MSH3: variants seen among roughly 807,000 people sequenced by gnomAD.
MSH3 encodes mutS homolog 3.
In MSH3, 106 loss-of-function variants were observed where a neutral mutation model predicts 123.3. The observed-to-expected ratio is 0.86, with a 90% confidence interval of 0.73 to 1.01. The LOEUF is 1.01. Among genes scored for constraint, MSH3 ranks in the 50% least tolerant of loss-of-function variants. The pLI, the probability that MSH3 is intolerant of heterozygous loss-of-function variation, is 0.00. For synonymous variants in MSH3, 515 were observed against 481.4 expected (o/e 1.07, Z -0.91); for missense variants, 1,459 against 1,347.6 (o/e 1.08, Z -1.29).
intron 12 of MSH3, among the ~76,000 whole-genome samples, chr5:80,752,654 A>C (rs1409980746): frequency 1.3e-5 from 2 of 152,162 alleles, no homozygotes; most frequent in Non-Finnish European, 2.9e-5. Flanking sequence ...ACCAAATGAG[A>C]CAGTATATGT....
At chr5:80,740,523 A>T (rs191345788) in intron 10 of MSH3, among the ~76,000 whole-genome samples, 3 of 150,864 alleles carry the variant, frequency 2.0e-5, no homozygotes, top group Admixed American at 2.0e-4. Context: ...ACACCCATCT[A>T]ATTTTTGTAT....
rs140165720 is a variant in MSH3, at chr5:80,698,018, C to A, written c.1340+18925C>A. On this transcript the variant is annotated intron_variant, in intron 8 of 23. Coordinates refer to ENST00000265081, the MANE Select transcript of MSH3 (RefSeq NM_002439.5). ...GACCCCCCAGGCTCAAGCAATCCTC[C>A]CACCTCAACCTCCTGAGTAGCTGGG... 3.8e-3 allele frequency among the ~76,000 whole-genome samples: 582 copies of A among 152,160 alleles called. 4 individuals carry two copies. The highest frequency in any genetic ancestry group is 0.013 in the African/African-American group (543 of 41,516).
intron 10 of MSH3, among the ~76,000 whole-genome samples, chr5:80,740,360 C>CT (rs747484860): frequency 0.2 from 28,581 of 142,162 alleles, 3,415 homozygotes; most frequent in East Asian, 0.29. Flanking sequence ...TTTCTTTTCT[C>CT]TTTTTTTTTT....
intron 8 of MSH3, among the ~76,000 whole-genome samples, chr5:80,686,722 T>C (rs1288171254): frequency 6.6e-6 from 1 of 152,108 alleles, no homozygotes; most frequent in Non-Finnish European, 1.5e-5. Context: ...TCTTCTTGTC[T>C]GTTTTAAACA....
At chr5:80,746,949 A>G (rs960655622) in intron 12 of MSH3, 2 of 158,010 alleles carry the variant, frequency 1.3e-5, no homozygotes, top group African/African-American at 4.8e-5. Context: ...AAATCTTTTC[A>G]GATTTAGTGG....
chr5:80,679,977 C>T (rs1458861364), intron 8 of MSH3, among the ~76,000 whole-genome samples: 3 of 151,878 alleles, frequency 2.0e-5, no homozygotes, highest in Non-Finnish European at 4.4e-5. Flanking sequence ...TTTAGAAAAT[C>T]GAGGCCAGGC....
intron 10 of MSH3, among the ~76,000 whole-genome samples, chr5:80,734,671 T>C (rs1743471025): frequency 6.6e-6 from 1 of 152,150 alleles, no homozygotes; most frequent in Non-Finnish European, 1.5e-5. Flanking sequence ...TCACTACTAT[T>C]TTCTGGTAGT....
intron 2 of MSH3, among the ~76,000 whole-genome samples, chr5:80,657,533 C>T (rs749775328): frequency 5.9e-5 from 9 of 152,016 alleles, no homozygotes; most frequent in Admixed American, 1.3e-4. Context: ...GGTGGTGTTG[C>T]ATATAGACAG....
chr5:80,817,562 AAAAT>A (rs1028681067), intron 20 of MSH3, among the ~76,000 whole-genome samples: 4 of 152,200 alleles, frequency 2.6e-5, no homozygotes, highest in African/African-American at 9.7e-5. Context: ...TATTATTCTA[AAAAT>A]AAATAAATTA....
chr5:80,710,739 C>T (rs3776968), intron 8 of MSH3, among the ~76,000 whole-genome samples: 51,970 of 151,818 alleles, frequency 0.34, 8,989 homozygotes, highest in Non-Finnish European at 0.37. Context: ...TGAAAGATTA[C>T]GAAAGGATAG....
chr5:80,802,208 TA>T (rs869233050), intron 19 of MSH3, among the ~76,000 whole-genome samples: 1 of 151,950 alleles, frequency 6.6e-6, no homozygotes, highest in East Asian at 1.9e-4. Context: ...ATTTTTTATA[TA>T]AAAATTTTTA....
At chr5:80,799,186 G>GT (rs1744748665) in intron 19 of MSH3, among the ~76,000 whole-genome samples, 1 of 152,184 alleles carries the variant, frequency 6.6e-6, no homozygotes, top group African/African-American at 2.4e-5. Flanking sequence ...GGATCCAGGT[G>GT]TTGGAGGGAT....
intron 2 of MSH3, among the ~76,000 whole-genome samples, chr5:80,657,150 G>A (rs1237302936): frequency 2.0e-5 from 3 of 152,032 alleles, no homozygotes; most frequent in Non-Finnish European, 4.4e-5. Flanking sequence ...AATAAAAACA[G>A]CATGCCTAGG....
At chr5:80,817,048 C>T (rs1561487816) in intron 20 of MSH3, among the ~76,000 whole-genome samples, 1 of 152,136 alleles carries the variant, frequency 6.6e-6, no homozygotes, top group Non-Finnish European at 1.5e-5. Flanking sequence ...ATGAGATCAT[C>T]TTGACAGACA....
intron 8 of MSH3, among the ~76,000 whole-genome samples, chr5:80,680,358 T>C (rs907400399): frequency 6.6e-6 from 1 of 152,150 alleles, no homozygotes; most frequent in Non-Finnish European, 1.5e-5. Flanking sequence ...ATTTAATTTC[T>C]TTCGAAGTAG....
At chr5:80,739,950 A>G (rs1163841241) in intron 10 of MSH3, among the ~76,000 whole-genome samples, 1 of 152,200 alleles carries the variant, frequency 6.6e-6, no homozygotes, top group South Asian at 2.1e-4. Context: ...AAATTTCATT[A>G]TAGCTATGAG....
intron 8 of MSH3, among the ~76,000 whole-genome samples, chr5:80,684,180 T>C (rs1182973024): frequency 1.3e-5 from 2 of 152,180 alleles, no homozygotes; most frequent in Non-Finnish European, 2.9e-5. Context: ...CTTTCGTTGC[T>C]CATATACATT....
chr5:80,731,052 G>A (rs1743403405), intron 10 of MSH3, among the ~76,000 whole-genome samples: 2 of 151,282 alleles, frequency 1.3e-5, no homozygotes, highest in Admixed American at 6.6e-5. Flanking sequence ...ACAGGTGCAC[G>A]CCACCGCGCC....
chr5:80,787,425 C>T, intron 17 of MSH3, 140 bp from the exon 18 acceptor site: 1 of 724,092 alleles, frequency 1.4e-6, no homozygotes, highest in South Asian at 1.4e-5. Flanking sequence ...GTGTAATCTC[C>T]ATCTCTCTTA....
Sources: allele counts gnomAD v4.1 joint callset (sites outside exome capture counted in the v4.1 genomes callset), GRCh38; gene constraint gnomAD v4.1.1; transcripts MANE v1.5; gene names NCBI Gene and HGNC (gene_info 2026-07-23, HGNC 2026-07-21).